The following SIMC1 variants were observed in gnomAD, a reference collection of about 807,000 sequenced individuals.
SIMC1 encodes the protein SUMO-interacting motif-containing protein 1.
SIMC1 carries 55 observed loss-of-function variants against 82.3 expected under a neutral mutation model. The ratio of observed to expected loss-of-function variants is 0.67; its 90% CI spans 0.54 to 0.84. SIMC1 has a LOEUF of 0.84. Ranked by LOEUF, SIMC1 falls within the 40% of genes least tolerant of loss-of-function variation. SIMC1 has a pLI of 0.00. For missense variants in SIMC1, 915 were observed against 1,107.2 expected (o/e 0.83, Z 2.46); for synonymous variants, 353 against 426.3 (o/e 0.83, Z 2.12).
chr5:176,325,706 A>C (rs1340213040), intron 7 of SIMC1, among the ~76,000 whole-genome samples: 1 of 151,894 alleles, frequency 6.6e-6, no homozygotes, highest in Non-Finnish European at 1.5e-5. Context: ...TAATAAATTA[A>C]TTACTTAATT....
chr5:176,314,930 A>C (rs140175024), intron 5 of SIMC1, among the ~76,000 whole-genome samples: 1 of 152,292 alleles, frequency 6.6e-6, no homozygotes, highest in African/African-American at 2.4e-5. Context: ...TTTGTGTTGC[A>C]TGATTTTGCC....
At chr5:176,337,195 A>G (rs748250658) in intron 9 of SIMC1, 49 bp downstream of exon 9, 3 of 1,441,824 alleles carry the variant, frequency 2.1e-6, no homozygotes, top group African/African-American at 2.8e-5. Flanking sequence ...CTCAATGGAC[A>G]TTTGTATTAG....
At chr5:176,307,068 A>G (rs1300179249) in intron 4 of SIMC1, among the ~76,000 whole-genome samples, 2 of 152,218 alleles carry the variant, frequency 1.3e-5, no homozygotes, top group Admixed American at 1.3e-4. Context: ...CAATATAACT[A>G]GTTATTAGAG....
intron 4 of SIMC1, among the ~76,000 whole-genome samples, chr5:176,305,532 G>A (rs1272953355): frequency 7.0e-6 from 1 of 142,258 alleles, no homozygotes; most frequent in Non-Finnish European, 1.6e-5. Flanking sequence ...GAGGGAGGTG[G>A]GGGGGTCAGC....
chr5:176,325,543 G>A lies in SIMC1; in HGVS notation c.2171+786G>A, dbSNP rs1428684060. ...TACTAAAAATACAAAAAAATTAGCC[G>A]GGTGTGGTGGTAGGCGCCTGTAGTC... On this transcript the variant is annotated intron_variant, in intron 7 of 9. Transcript: ENST00000429602. Among the ~76,000 whole-genome samples the A allele has an allele frequency of 8.6e-5, 13 of 151,936 alleles. No individual in the cohort carries two copies. In the East Asian group the frequency reaches 2.3e-3, roughly 27 times the overall value.
intron 9 of SIMC1, among the ~76,000 whole-genome samples, chr5:176,344,069 T>C (rs1766280278): frequency 6.6e-6 from 1 of 152,196 alleles, no homozygotes; most frequent in African/African-American, 2.4e-5. Flanking sequence ...AGCACTGGTA[T>C]GACAGGCATG....
At chr5:176,302,212 C>G (rs1027885832) in intron 4 of SIMC1, among the ~76,000 whole-genome samples, 2 of 152,032 alleles carry the variant, frequency 1.3e-5, no homozygotes, top group African/African-American at 2.4e-5. Flanking sequence ...CCCACAGATA[C>G]AGAGAGCCAA....
At chr5:176,291,720 C>T (rs1439084612) in intron 2 of SIMC1, among the ~76,000 whole-genome samples, 1 of 152,004 alleles carries the variant, frequency 6.6e-6, no homozygotes, top group Non-Finnish European at 1.5e-5. Flanking sequence ...TCTTGTAATC[C>T]ACCCGCCTCA....
intron 2 of SIMC1, among the ~76,000 whole-genome samples, chr5:176,292,571 C>T (rs1195907625): frequency 6.6e-6 from 1 of 152,044 alleles, no homozygotes; most frequent in African/African-American, 2.4e-5. Context: ...GACAGAGTCT[C>T]ACCCTGTCAC....
At chr5:176,327,690 G>C (rs1377318394) in intron 7 of SIMC1, among the ~76,000 whole-genome samples, 1 of 152,124 alleles carries the variant, frequency 6.6e-6, no homozygotes, top group Non-Finnish European at 1.5e-5. Context: ...AAAACATTCA[G>C]TTTTTGACTA....
intron 1 of SIMC1, among the ~76,000 whole-genome samples, chr5:176,277,204 A>G (rs938989749): frequency 1.1e-4 from 16 of 151,678 alleles, no homozygotes; most frequent in South Asian, 8.3e-4. Context: ...GCCAGTGATG[A>G]TGAGCATTTT....
intron 1 of SIMC1, among the ~76,000 whole-genome samples, chr5:176,281,714 G>A (rs1347366651): frequency 6.6e-6 from 1 of 152,202 alleles, no homozygotes; most frequent in Non-Finnish European, 1.5e-5. Context: ...GTTTGCCTGG[G>A]TATCAGCAGC....
At chr5:176,282,680 CTT>C (rs1253461603) in intron 1 of SIMC1, among the ~76,000 whole-genome samples, 1 of 152,218 alleles carries the variant, frequency 6.6e-6, no homozygotes, top group African/African-American at 2.4e-5. Flanking sequence ...CAGAGAATGA[CTT>C]TGACGAGTTG....
At chr5:176,282,083 C>T (rs1351131289) in intron 1 of SIMC1, among the ~76,000 whole-genome samples, 1 of 152,266 alleles carries the variant, frequency 6.6e-6, no homozygotes, top group Non-Finnish European at 1.5e-5. Flanking sequence ...GTGGGCTTCA[C>T]CCAGTTGGAG....
chr5:176,271,109 C>G (rs1762406758), intron 1 of SIMC1, among the ~76,000 whole-genome samples: 1 of 152,162 alleles, frequency 6.6e-6, no homozygotes, highest in Non-Finnish European at 1.5e-5. Context: ...CCTGTAATCC[C>G]AGCACTTTGG....
intron 1 of SIMC1, among the ~76,000 whole-genome samples, chr5:176,267,920 C>T (rs1258954836): frequency 6.7e-6 from 1 of 149,850 alleles, no homozygotes; most frequent in Non-Finnish European, 1.5e-5. Context: ...TCACGCCAGC[C>T]AGATTTTTTT....
intron 1 of SIMC1, among the ~76,000 whole-genome samples, chr5:176,263,695 A>G (rs1393369822): frequency 6.6e-6 from 1 of 152,212 alleles, no homozygotes; most frequent in Non-Finnish European, 1.5e-5. Context: ...GAGGGGCCAA[A>G]TATCCAAACT....
At position 176,324,723 on chromosome 5, in the gene SIMC1, G is replaced by T. The variant is rs768684470; in HGVS notation, c.2137G>T (p.Gly713Trp). 3 of 1,601,958 alleles carry T rather than the reference G, an allele frequency of 1.9e-6. No individual in the cohort carries two copies. Residue 713 changes from glycine (G) to tryptophan (W), a missense_variant, in exon 7 of 10, where the codon GGG becomes TGG. Physicochemically the swap from Gly to Trp is radical, Grantham distance 184. Coordinates refer to ENST00000429602, the MANE Select transcript of SIMC1 (RefSeq NM_001308195.2). Reference sequence around the variant, plus strand: ...CAATAAAATTGCCGAGATGATGTTTGGGTTTGTGCTGGACATTCCTGAGAG... The same window carrying T: ...CAATAAAATTGCCGAGATGATGTTTTGGTTTGTGCTGGACATTCCTGAGAG... Reference protein sequence around the residue: ...SSNKIAEMMFGFVLDIPERSQ... With the variant: ...SSNKIAEMMFWFVLDIPERSQ...
In SIMC1 at chr5:176,290,367, C is replaced by A. The variant is rs766125619; in HGVS notation, c.843C>A (p.Asp281Glu). ...PRQNIPGPPQ[D>E]SLGLPQDVPG... is the part of the protein sequence containing the mutation. ...AGAATATCCCAGGCCCACCTCAAGA[C>A]TCTCTGGGCCTACCTCAAGATGTGC... is the stretch of plus-strand genomic sequence containing the variant. The change falls in exon 2 of 10, where the codon GAC (aspartate) becomes GAA (glutamate). Residue 281 changes from aspartate to glutamate, a missense_variant. Asp to Glu is a conservative substitution (Grantham distance 45, BLOSUM62 2). Coordinates refer to ENST00000429602, the MANE Select transcript of SIMC1 (RefSeq NM_001308195.2). The A allele has an allele frequency of 6.2e-7, 1 of 1,613,992 alleles. No individual in the cohort carries two copies. Among genetic ancestry groups the A allele is most frequent in the Non-Finnish European group, 8.5e-7 (1 of 1,179,880 alleles).
Sources: allele counts gnomAD v4.1 joint callset (sites outside exome capture counted in the v4.1 genomes callset), GRCh38; gene constraint gnomAD v4.1.1; transcripts MANE v1.5; gene names NCBI Gene and HGNC (gene_info 2026-07-23, HGNC 2026-07-21).